The following TJP1 variants were observed in gnomAD, a reference collection of about 807,000 sequenced individuals.
The protein encoded by TJP1 is tight junction protein 1.
Under a neutral mutation model 194.2 loss-of-function variants are expected in TJP1, and 43 were observed. That is an observed-to-expected ratio of 0.22 (90% CI 0.17 to 0.29). The LOEUF (loss-of-function observed/expected upper bound fraction) is 0.29. Ranked by LOEUF, TJP1 falls within the 10% of genes least tolerant of loss-of-function variation. The probability of loss-of-function intolerance (pLI) is 1.00; values close to 1 mark genes in which losing one functional copy is unlikely to be tolerated. For synonymous variants in TJP1, 801 were observed against 779.0 expected, an observed-to-expected ratio of 1.03 and a Z score of -0.47; for missense variants, 1,971 against 2,185.7, an observed-to-expected ratio of 0.90 and a Z score of 1.96.
At chr15:29,877,756 T>C (rs1366338182) in intron 2 of TJP1, among the ~76,000 whole-genome samples, 1 of 151,634 alleles carries the variant, frequency 6.6e-6, no homozygotes, top group Non-Finnish European at 1.5e-5. Context: ...CCTCCCAGGG[T>C]CAAGCCATTC....
chr15:29,704,008 C>A (rs1178486754), intron 27 of TJP1, among the ~76,000 whole-genome samples, 154 bp downstream of exon 27: 131 of 152,258 alleles, frequency 8.6e-4, no homozygotes, highest in Non-Finnish European at 8.8e-5. Context: ...AATATATGCA[C>A]CACAAATAAA....
intron 3 of TJP1, 72 bp downstream of exon 3, chr15:29,773,161 A>G (rs1595844995): frequency 6.4e-7 from 1 of 1,574,496 alleles, no homozygotes; most frequent in Non-Finnish European, 8.7e-7. Context: ...AGACAGTGTA[A>G]GACAGTACGC....
At chr15:29,704,956 T>C (rs2085243486) in intron 26 of TJP1, among the ~76,000 whole-genome samples, 1 of 152,174 alleles carries the variant, frequency 6.6e-6, no homozygotes, top group Admixed American at 6.5e-5. Context: ...TGCTAAAAGA[T>C]GCTAAATCAC....
At chr15:29,892,160 G>A (rs947543894) in intron 2 of TJP1, among the ~76,000 whole-genome samples, 3 of 152,184 alleles carry the variant, frequency 2.0e-5, no homozygotes, top group Non-Finnish European at 4.4e-5. Context: ...TAGTGGTCTG[G>A]ATAGAAGATC....
chr15:29,849,918 G>A (rs1445742704), intron 2 of TJP1, among the ~76,000 whole-genome samples: 3 of 152,056 alleles, frequency 2.0e-5, no homozygotes, highest in Non-Finnish European at 1.5e-5. Context: ...CAGAAGTGAT[G>A]GCGTGTCCTG....
intron 18 of TJP1, among the ~76,000 whole-genome samples, chr15:29,726,057 T>G (rs938222674): frequency 1.3e-5 from 2 of 152,144 alleles, no homozygotes; most frequent in African/African-American, 4.8e-5. Flanking sequence ...AGGAGGAAAC[T>G]GAAGCCAGGC....
At chr15:29,849,437 A>AT (rs1194690344) in intron 2 of TJP1, among the ~76,000 whole-genome samples, 1 of 136,844 alleles carries the variant, frequency 7.3e-6, no homozygotes, top group African/African-American at 2.8e-5. Context: ...AACAAATTTT[A>AT]TTTAAAAAAA....
At chr15:29,776,604 T>A (rs996441817) in intron 2 of TJP1, among the ~76,000 whole-genome samples, 5 of 152,200 alleles carry the variant, frequency 3.3e-5, no homozygotes, top group Admixed American at 6.5e-5. Context: ...GCATGAATTA[T>A]CTATTGGCCT....
chr15:29,914,899 C>A (rs2054136940), intron 2 of TJP1, among the ~76,000 whole-genome samples: 1 of 152,110 alleles, frequency 6.6e-6, no homozygotes, highest in African/African-American at 2.4e-5. Flanking sequence ...CATGCATGCA[C>A]ACACAGGCAC....
intron 2 of TJP1, among the ~76,000 whole-genome samples, chr15:29,864,142 T>C (rs2052205104): frequency 6.7e-6 from 1 of 149,698 alleles, no homozygotes; most frequent in Admixed American, 6.8e-5. Context: ...ACCTGTAATC[T>C]CAGCACTTCG....
chr15:29,856,035 A>T (rs1050605827), intron 2 of TJP1, among the ~76,000 whole-genome samples: 2 of 152,260 alleles, frequency 1.3e-5, no homozygotes, highest in Non-Finnish European at 2.9e-5. Flanking sequence ...GCATTATTTC[A>T]TAAGAGCCAA....
At chr15:29,791,950 C>T (rs182317194) in intron 2 of TJP1, among the ~76,000 whole-genome samples, 104 of 152,100 alleles carry the variant, frequency 6.8e-4, no homozygotes, top group Admixed American at 2.9e-3. Context: ...TCTTGTGCTT[C>T]AGATCTTTTG....
intron 2 of TJP1, among the ~76,000 whole-genome samples, chr15:29,917,882 G>A (rs748842335): frequency 5.3e-5 from 8 of 152,076 alleles, no homozygotes; most frequent in Non-Finnish European, 2.9e-5. Context: ...ACAGTTCAGC[G>A]ACATTAAGTA....
chr15:29,949,568 TCCACAACCACCACCTC>T (rs1567225424), intron 2 of TJP1, among the ~76,000 whole-genome samples: 4 of 32,474 alleles, frequency 1.2e-4, no homozygotes, highest in Non-Finnish European at 1.8e-4. Flanking sequence ...CACCTCCACT[TCCACAACCACCACCTC>T]CACCTCCACA....
intron 2 of TJP1, among the ~76,000 whole-genome samples, chr15:29,878,933 G>A (rs927295677): frequency 1.3e-5 from 2 of 151,956 alleles, no homozygotes; most frequent in African/African-American, 2.4e-5. Context: ...GACTGTGCTG[G>A]CCAACATGGT....
chr15:29,903,136 C>T (rs1469981921), intron 2 of TJP1, among the ~76,000 whole-genome samples: 2 of 152,074 alleles, frequency 1.3e-5, no homozygotes, highest in African/African-American at 2.4e-5. Context: ...CTTCCCTCCC[C>T]ATACATACAC....
intron 2 of TJP1, among the ~76,000 whole-genome samples, chr15:29,898,981 T>C (rs1295357172): frequency 2.6e-5 from 4 of 152,208 alleles, no homozygotes; most frequent in African/African-American, 9.7e-5. Context: ...CTAATATGGA[T>C]GGTTGAAATG....
Position 29,742,743 on chromosome 15 carries a change from C to G in TJP1, c.1049G>C (p.Gly350Ala), listed in dbSNP as rs762455656. 8.7e-6 allele frequency: 14 copies of G among 1,604,186 alleles called. No individual in the cohort carries two copies. The highest frequency in any genetic ancestry group is 1.3e-5 in the African/African-American group (1 of 74,368). The change falls in exon 9 of 28, where the codon GGG (glycine) becomes GCG (alanine). Residue 350 changes from glycine (G) to alanine (A), a missense_variant. Gly to Ala is a moderately conservative substitution (Grantham distance 60, BLOSUM62 0). Transcript: ENST00000614355. ...SRDEERISKP[G>A]AVSTPVKHAD... ...ATGCTTTACAGGAGTTGAGACAGCCCCAGGTTTAGAAATTCTCTCTTCATC... is the reference window on the plus strand; with the variant it reads ...ATGCTTTACAGGAGTTGAGACAGCCGCAGGTTTAGAAATTCTCTCTTCATC...
At chr15:29,831,072 A>C (rs1767221050) in intron 2 of TJP1, among the ~76,000 whole-genome samples, 1 of 152,240 alleles carries the variant, frequency 6.6e-6, no homozygotes, top group Non-Finnish European at 1.5e-5. Flanking sequence ...GAGAGCCCCC[A>C]AAACAAACAA....
Sources: allele counts gnomAD v4.1 joint callset (sites outside exome capture counted in the v4.1 genomes callset), GRCh38; gene constraint gnomAD v4.1.1; transcripts MANE v1.5; gene names NCBI Gene and HGNC (gene_info 2026-07-23, HGNC 2026-07-21).